Variants in DOCK3 observed in about 807,000 individuals in gnomAD.
DOCK3 encodes dedicator of cytokinesis 3.
In DOCK3, 60 loss-of-function variants were observed where a neutral mutation model predicts 265.6. The observed-to-expected ratio is 0.23, with a 90% CI of 0.18 to 0.28. The LOEUF is 0.28. DOCK3 is among the 10% of genes least tolerant of loss of function. The pLI is 1.00. For missense variants in DOCK3, 1,981 were observed against 2,594.3 expected, an observed-to-expected ratio of 0.76 and a Z score of 5.14; for synonymous variants, 881 against 938.0, an observed-to-expected ratio of 0.94 and a Z score of 1.11.
intron 2 of DOCK3, among the ~76,000 whole-genome samples, chr3:50,798,350 T>C (rs1352568414): frequency 6.6e-6 from 1 of 152,220 alleles, no homozygotes; most frequent in Non-Finnish European, 1.5e-5. Flanking sequence ...TGCAGAGTTA[T>C]GTGCATAATA....
At chr3:51,331,363 C>T (rs1054429472) in intron 33 of DOCK3, among the ~76,000 whole-genome samples, 1 of 152,078 alleles carries the variant, frequency 6.6e-6, no homozygotes, top group African/African-American at 2.4e-5. Flanking sequence ...ATTGTGGAAA[C>T]AAGGCAGTGT....
At chr3:50,948,738 C>T (rs975165006) in intron 5 of DOCK3, among the ~76,000 whole-genome samples, 29 of 151,936 alleles carry the variant, frequency 1.9e-4, no homozygotes, top group African/African-American at 6.3e-4. Context: ...CTTGGACTCC[C>T]AAAGTGTTGG....
intron 12 of DOCK3, among the ~76,000 whole-genome samples, chr3:51,193,701 A>G (rs1416024933): frequency 4.0e-5 from 6 of 151,448 alleles, no homozygotes; most frequent in African/African-American, 1.5e-4. Context: ...GTTTGTCAGC[A>G]TGTAGTTGTT....
intron 5 of DOCK3, among the ~76,000 whole-genome samples, chr3:51,018,513 A>C (rs1452381919): frequency 6.6e-6 from 1 of 150,886 alleles, no homozygotes; most frequent in Non-Finnish European, 1.5e-5. Flanking sequence ...ATTTGGGTAT[A>C]TCAGTACAGT....
Position 50,675,230 on chromosome 3 carries a change from T to C in DOCK3, c.-34T>C. On this transcript the variant is annotated 5_prime_UTR_variant, in exon 1 of 53. Transcript: ENST00000266037. The surrounding 1 kb of genome is among the most constrained non-coding windows in gnomAD (Gnocchi z 6.1). Reference sequence around the variant, plus strand: ...CCGTCCCCGCCGCGTTGTCGCCCGGTCGCCGCGCCCGCGGGGCCGCGCCCG... The same window carrying C: ...CCGTCCCCGCCGCGTTGTCGCCCGGCCGCCGCGCCCGCGGGGCCGCGCCCG... The C allele has an allele frequency of 8.7e-7, 1 of 1,150,266 alleles. No individual in the cohort carries two copies. The highest frequency in any genetic ancestry group is 1.1e-6 in the Non-Finnish European group (1 of 930,068). 71.3% of individuals were successfully genotyped at this position (1,150,266 alleles called of 1,614,324 possible).
Position 50,693,088 on chromosome 3 carries a change from G to T in DOCK3, c.37+17788G>T, listed in dbSNP as rs1165599869. Among the ~76,000 whole-genome samples, 4 of 152,284 alleles carry T rather than the reference G, an allele frequency of 2.6e-5. No homozygotes were observed. The East Asian group carries it at 7.7e-4, about 29-fold the overall frequency. On this transcript the variant is annotated intron_variant, in intron 1 of 52. Transcript: ENST00000266037. ...GTATTCTGTTTCATTGGTCTATATA[G>T]TTCTGTCTTTATGCCAGTATCACAC...
intron 22 of DOCK3, among the ~76,000 whole-genome samples, chr3:51,248,798 G>C: frequency 6.7e-6 from 1 of 149,404 alleles, no homozygotes; most frequent in Admixed American, 6.6e-5. Flanking sequence ...GAGCGTCTTT[G>C]CCCGGCCGCC....
intron 5 of DOCK3, among the ~76,000 whole-genome samples, chr3:51,060,177 T>A (rs377033886): frequency 1.3e-3 from 73 of 55,354 alleles, no homozygotes; most frequent in African/African-American, 6.1e-3. Flanking sequence ...ATAAGACATC[T>A]ATTGCATATA....
chr3:51,270,964 G>A lies in DOCK3; in HGVS notation c.2505G>A (p.Gln835=). ...IGQSMDVVKL[Q]SIARTVDSRL... The stretch of plus-strand genomic sequence containing the variant: ...AGTCAATGGACGTGGTCAAGCTGCA[G>A]TCCATTGCCAGGACAGTGGATAGCC... The change falls in exon 24 of 53, where the codon CAG becomes CAA. Residue 835 remains glutamine, a synonymous_variant. Transcript: ENST00000266037. 1 of 1,613,946 alleles carries A rather than the reference G, an allele frequency of 6.2e-7. No individual in the cohort carries two copies. The highest frequency in any genetic ancestry group is 8.5e-7 in the Non-Finnish European group (1 of 1,179,878).
intron 27 of DOCK3, among the ~76,000 whole-genome samples, chr3:51,305,047 G>C (rs1483061721): frequency 1.3e-5 from 2 of 152,234 alleles, no homozygotes; most frequent in Non-Finnish European, 2.9e-5. Context: ...TTTGTTGTTA[G>C]ATGGAGTGTT....
intron 2 of DOCK3, among the ~76,000 whole-genome samples, chr3:50,784,861 A>G (rs1414331851): frequency 6.6e-6 from 1 of 152,206 alleles, no homozygotes; most frequent in Non-Finnish European, 1.5e-5. Flanking sequence ...GTGCACATCA[A>G]TTTTGCATCC....
At chr3:50,821,820 G>A (rs1248242388) in intron 2 of DOCK3, among the ~76,000 whole-genome samples, 2 of 152,008 alleles carry the variant, frequency 1.3e-5, no homozygotes, top group Non-Finnish European at 2.9e-5. Context: ...TCTTTATTCT[G>A]AGTTTTACAG....
At chr3:50,982,029 A>G (rs2077713098) in intron 5 of DOCK3, among the ~76,000 whole-genome samples, 2 of 151,918 alleles carry the variant, frequency 1.3e-5, no homozygotes, top group Admixed American at 6.6e-5. Context: ...TTGTATTTTT[A>G]GTAGAGATGA....
At chr3:51,338,907 G>T in intron 36 of DOCK3, 28 bp from the exon 37 acceptor site, 1 of 1,558,868 alleles carries the variant, frequency 6.4e-7, no homozygotes, top group South Asian at 1.2e-5. Context: ...ACAGGTAGTT[G>T]ACAGGTGTTT....
chr3:50,758,025 A>T (rs2609008), intron 1 of DOCK3, among the ~76,000 whole-genome samples: 14,282 of 151,622 alleles, frequency 0.094, 830 homozygotes, highest in Non-Finnish European at 0.12. Flanking sequence ...AAATACAAAA[A>T]AAATTAGCCG....
At chr3:51,112,306 G>T (rs2083555119) in intron 9 of DOCK3, among the ~76,000 whole-genome samples, 1 of 151,942 alleles carries the variant, frequency 6.6e-6, no homozygotes, top group African/African-American at 2.4e-5. Flanking sequence ...AAAGAATAGA[G>T]AAAAAATTAT....
intron 3 of DOCK3, among the ~76,000 whole-genome samples, chr3:50,876,342 A>T (rs1457137196): frequency 6.6e-6 from 1 of 152,176 alleles, no homozygotes; most frequent in Non-Finnish European, 1.5e-5. Context: ...ATAAAGGAAA[A>T]ATACAAAATG....
intron 9 of DOCK3, among the ~76,000 whole-genome samples, chr3:51,138,084 T>G (rs2084886822): frequency 6.6e-6 from 1 of 152,224 alleles, no homozygotes; most frequent in Non-Finnish European, 1.5e-5. Context: ...AAATGTCACC[T>G]GTCCCCTTAA....
intron 3 of DOCK3, among the ~76,000 whole-genome samples, chr3:50,888,223 AACAG>A (rs2048443738): frequency 2.0e-5 from 3 of 152,100 alleles, no homozygotes. Context: ...ATAACAGACA[AACAG>A]AGAGCCAAAT....
Sources: gnomAD v4.1 joint callset for allele counts (sites outside exome capture counted in the v4.1 genomes callset) on GRCh38, gnomAD v4.1.1 for gene constraint, Gnocchi (gnomAD v3.1) non-coding constraint, MANE v1.5 for transcripts, NCBI Gene and HGNC (gene_info 2026-07-23, HGNC 2026-07-21) for gene names.